The following SLC24A2 variants were observed in gnomAD, a reference collection of about 807,000 sequenced individuals.
SLC24A2 encodes the protein solute carrier family 24 member 2, also known as sodium/potassium/calcium exchanger 2.
In SLC24A2, 36 loss-of-function variants were observed where a neutral mutation model predicts 62.0. The observed-to-expected ratio is 0.58, with a 90% CI of 0.44 to 0.77. SLC24A2 has a LOEUF of 0.77. Among genes scored for constraint, SLC24A2 ranks in the 30% least tolerant of loss-of-function variants. The pLI, the probability that SLC24A2 is intolerant of heterozygous loss-of-function variation, is 0.00. For missense variants in SLC24A2, 846 were observed against 817.9 expected (o/e 1.03, Z -0.42); for synonymous variants, 358 against 294.0 (o/e 1.22, Z -2.23).
chr9:19,720,699 C>CG (rs72548996), intron 2 of SLC24A2, among the ~76,000 whole-genome samples: 1 of 82,308 alleles, frequency 1.2e-5, no homozygotes, highest in Non-Finnish European at 3.0e-5. Flanking sequence ...ACCCCCCCCC[C>CG]CAAAAAAAAT....
At chr9:20,275,836 C>T in the SLC24A2 span, among the ~76,000 whole-genome samples, 1 of 152,282 alleles carries the variant, frequency 6.6e-6, no homozygotes, top group Admixed American at 6.5e-5. Context: ...GCACATCTTA[C>T]ATGGTGGCAG....
the SLC24A2 span, among the ~76,000 whole-genome samples, chr9:19,960,500 C>T: frequency 6.6e-6 from 1 of 152,162 alleles, no homozygotes; most frequent in Non-Finnish European, 1.5e-5. Flanking sequence ...GAGACTGGAA[C>T]CTTGGGCTGC....
chr9:20,207,920 T>C, the SLC24A2 span, among the ~76,000 whole-genome samples: 1 of 152,298 alleles, frequency 6.6e-6, no homozygotes, highest in South Asian at 2.1e-4. Flanking sequence ...ACTTTAATAA[T>C]TAAAGAGGAG....
the SLC24A2 span, among the ~76,000 whole-genome samples, chr9:20,266,152 C>A: frequency 6.6e-6 from 1 of 152,148 alleles, no homozygotes; most frequent in African/African-American, 2.4e-5. Flanking sequence ...ATTCTATTAC[C>A]TTGTAAAGCA....
intron 2 of SLC24A2, among the ~76,000 whole-genome samples, chr9:19,779,157 A>T (rs1302697001): frequency 6.6e-6 from 1 of 152,242 alleles, no homozygotes; most frequent in Non-Finnish European, 1.5e-5. Flanking sequence ...AAGGTAAGAT[A>T]GTACAAGATA....
At chr9:20,203,100 T>C in the SLC24A2 span, among the ~76,000 whole-genome samples, 2 of 144,626 alleles carry the variant, frequency 1.4e-5, no homozygotes, top group African/African-American at 5.3e-5. Context: ...CACACTAAAG[T>C]TGGAGAACCA....
chr9:20,213,390 A>G, the SLC24A2 span, among the ~76,000 whole-genome samples: 2 of 151,986 alleles, frequency 1.3e-5, no homozygotes, highest in East Asian at 3.8e-4. Flanking sequence ...AAAACAAAAT[A>G]TAATAAACAT....
chr9:20,059,468 G>T, the SLC24A2 span, among the ~76,000 whole-genome samples: 2 of 151,990 alleles, frequency 1.3e-5, no homozygotes, highest in African/African-American at 2.4e-5. Context: ...AACCATAATG[G>T]AATAAAACAA....
At chr9:20,306,131 A>C in the SLC24A2 span, among the ~76,000 whole-genome samples, 1 of 152,218 alleles carries the variant, frequency 6.6e-6, no homozygotes, top group Non-Finnish European at 1.5e-5. Flanking sequence ...GGATAGGGAC[A>C]CAACTCAGCC....
chr9:19,614,090 T>C (rs925433542), intron 4 of SLC24A2, among the ~76,000 whole-genome samples: 3 of 152,168 alleles, frequency 2.0e-5, no homozygotes, highest in Non-Finnish European at 2.9e-5. Flanking sequence ...AACTGCAACA[T>C]CCAGCATCCT....
the SLC24A2 span, among the ~76,000 whole-genome samples, chr9:19,983,410 C>A: frequency 6.6e-6 from 1 of 152,058 alleles, no homozygotes; most frequent in African/African-American, 2.4e-5. Flanking sequence ...TTTGGGAGGC[C>A]AAGGTGGGCG....
chr9:20,100,032 T>C, the SLC24A2 span, among the ~76,000 whole-genome samples: 11 of 152,138 alleles, frequency 7.2e-5, no homozygotes, highest in Admixed American at 4.6e-4. Flanking sequence ...TTTTTTTTTC[T>C]TTTTTAGACA....
the SLC24A2 span, among the ~76,000 whole-genome samples, chr9:19,818,694 T>C: frequency 2.6e-5 from 4 of 152,010 alleles, no homozygotes; most frequent in South Asian, 2.1e-4. Flanking sequence ...AAGGAAATCA[T>C]AGATGACACA....
chr9:19,991,406 A>C, the SLC24A2 span, among the ~76,000 whole-genome samples: 2 of 152,140 alleles, frequency 1.3e-5, no homozygotes, highest in African/African-American at 4.8e-5. Flanking sequence ...TGCTGATTAG[A>C]TGGTGCCTAC....
the SLC24A2 span, among the ~76,000 whole-genome samples, chr9:19,949,356 G>T: frequency 3.3e-5 from 5 of 152,144 alleles, no homozygotes; most frequent in African/African-American, 1.2e-4. Flanking sequence ...GTGGTGCAAC[G>T]ATTTTTCCTA....
chr9:19,598,810 A>C (rs561778759), intron 4 of SLC24A2, among the ~76,000 whole-genome samples: 1 of 152,218 alleles, frequency 6.6e-6, no homozygotes, highest in Non-Finnish European at 1.5e-5. Flanking sequence ...ACATATGTTC[A>C]TAGTGGCTTC....
chr9:20,078,816 C>T, the SLC24A2 span, among the ~76,000 whole-genome samples: 1 of 151,200 alleles, frequency 6.6e-6, no homozygotes. Flanking sequence ...CCTATGGCAG[C>T]CCTCAATCAA....
chr9:20,057,460 T>C, the SLC24A2 span, among the ~76,000 whole-genome samples: 1 of 152,180 alleles, frequency 6.6e-6, no homozygotes, highest in African/African-American at 2.4e-5. Flanking sequence ...ACACCAGTTA[T>C]TTGTGAGATG....
At chr9:20,302,762 T>C in the SLC24A2 span, among the ~76,000 whole-genome samples, 11 of 152,340 alleles carry the variant, frequency 7.2e-5, no homozygotes, top group Admixed American at 3.3e-4. Flanking sequence ...ATTTCTTTCA[T>C]GGATTGTGCC....
Sources: gnomAD v4.1 joint callset for allele counts (sites outside exome capture counted in the v4.1 genomes callset) on GRCh38, gnomAD v4.1.1 for gene constraint, MANE v1.5 for transcripts, NCBI Gene and HGNC (gene_info 2026-07-23, HGNC 2026-07-21) for gene names.